The following NXN variants were observed in gnomAD, a reference collection of about 807,000 sequenced individuals.
The protein encoded by NXN is nucleoredoxin, also known as nucleoredoxin 1.
Under a neutral mutation model 48.6 loss-of-function variants are expected in NXN, and 16 were observed. The ratio of observed to expected loss-of-function variants is 0.33; its 90% CI spans 0.22 to 0.50. The LOEUF (loss-of-function observed/expected upper bound fraction) is 0.50. NXN is among the 20% of genes least tolerant of loss of function. The probability of loss-of-function intolerance (pLI) is 0.98; values close to 1 mark genes in which losing one functional copy is unlikely to be tolerated. For synonymous variants in NXN, 281 were observed against 269.6 expected, an observed-to-expected ratio of 1.04 and a Z score of -0.41; for missense variants, 492 against 605.5, an observed-to-expected ratio of 0.81 and a Z score of 1.97.
At chr17:957,141 A>AT (rs1194733358) in intron 1 of NXN, among the ~76,000 whole-genome samples, 2 of 121,212 alleles carry the variant, frequency 1.7e-5, no homozygotes, top group Non-Finnish European at 3.8e-5. Flanking sequence ...AGACAAGGCA[A>AT]CAACGTGCAA....
intron 1 of NXN, among the ~76,000 whole-genome samples, chr17:938,623 G>A (rs540507368): frequency 2.1e-4 from 32 of 152,220 alleles, no homozygotes; most frequent in African/African-American, 7.7e-4. Context: ...GGCGGAGGTC[G>A]CAGTGAGCCG....
At chr17:973,075 T>C (rs1461685428) in intron 1 of NXN, among the ~76,000 whole-genome samples, 1 of 151,344 alleles carries the variant, frequency 6.6e-6, no homozygotes, top group African/African-American at 2.4e-5. Context: ...GACCCTAACT[T>C]CCAGGGCTTG....
rs941896929 is a variant in NXN, at chr17:956,650, G to A, written c.360+22669C>T. On this transcript the variant is annotated intron_variant, in intron 1 of 7. Transcript: ENST00000336868. The surrounding 1 kb of genome is among the most constrained non-coding windows in gnomAD (Gnocchi z 4.1). The stretch of plus-strand genomic sequence containing the variant: ...GGATGGTCTCGATCTCCAGACCTCA[G>A]GTGATCCGTCCACCTCAGCCTCCCA... Among the ~76,000 whole-genome samples, 1 of 152,108 alleles carries A rather than the reference G, an allele frequency of 6.6e-6. No homozygotes were observed. Among genetic ancestry groups the A allele is most frequent in the Non-Finnish European group, 1.5e-5 (1 of 68,014 alleles).
At chr17:824,702 C>A (rs953648537) in intron 2 of NXN, among the ~76,000 whole-genome samples, 3 of 152,176 alleles carry the variant, frequency 2.0e-5, no homozygotes, top group African/African-American at 7.2e-5. Context: ...AAGAGTAAAA[C>A]CCACCCAGCC....
At chr17:934,340 G>A (rs1325430473) in intron 1 of NXN, among the ~76,000 whole-genome samples, 3 of 151,966 alleles carry the variant, frequency 2.0e-5, no homozygotes, top group Non-Finnish European at 4.4e-5. Flanking sequence ...CAGCTACTGG[G>A]GAGGCTGAGG....
intron 1 of NXN, among the ~76,000 whole-genome samples, chr17:865,472 C>T (rs1424770189): frequency 6.7e-6 from 1 of 149,830 alleles, no homozygotes; most frequent in African/African-American, 2.5e-5. Flanking sequence ...GAACTCATGA[C>T]CTCAGGTGAT....
intron 1 of NXN, among the ~76,000 whole-genome samples, chr17:882,787 T>C (rs1418129550): frequency 1.4e-5 from 2 of 142,154 alleles, no homozygotes; most frequent in African/African-American, 2.6e-5. Context: ...TTTTGAGACG[T>C]TGTCTTGCTC....
At chr17:927,782 G>A (rs2068816179) in intron 1 of NXN, among the ~76,000 whole-genome samples, 1 of 151,988 alleles carries the variant, frequency 6.6e-6, no homozygotes, top group Non-Finnish European at 1.5e-5. Context: ...AAAGGGACGG[G>A]CTTAGAGGGA....
Position 932,261 on chromosome 17 carries a change from C to G in NXN, c.360+47058G>C, listed in dbSNP as rs1160556677. 1.3e-5 allele frequency among the ~76,000 whole-genome samples: 2 copies of G among 152,222 alleles called. No homozygotes were observed. Among genetic ancestry groups the G allele is most frequent in the Non-Finnish European group, 2.9e-5 (2 of 68,044 alleles). On this transcript the variant is annotated intron_variant, in intron 1 of 7. Transcript: ENST00000336868. The surrounding 1 kb of genome is among the most constrained non-coding windows in gnomAD (Gnocchi z 4.1). Reference sequence around the variant, plus strand: ...CTACCTGCCCAGCTACCAACCCAAACCGGCCTTGTTTTGGTCCTAGGCGGC... The same window carrying G: ...CTACCTGCCCAGCTACCAACCCAAAGCGGCCTTGTTTTGGTCCTAGGCGGC...
rs142724416 is a variant in NXN at position 856,748 on chromosome 17, G to A, written c.361-30670C>T. Among the ~76,000 whole-genome samples the A allele has an allele frequency of 1.4e-4, 22 of 152,086 alleles. 1 individual carries two copies. The East Asian group carries it at 2.9e-3, about 20-fold the overall frequency. ...CAGGTGATCCTCCTCCCAAAGTGCC[G>A]GGATTACAGGAGTGAGCCGCCGGCC... is the stretch of plus-strand genomic sequence containing the variant. On this transcript the variant is annotated intron_variant, in intron 1 of 7. Coordinates refer to ENST00000336868, the MANE Select transcript of NXN (RefSeq NM_022463.5).
intron 1 of NXN, among the ~76,000 whole-genome samples, chr17:843,930 C>G (rs777049834): frequency 1.3e-5 from 2 of 152,208 alleles, no homozygotes; most frequent in African/African-American, 2.4e-5. Context: ...GAAAAAAGAA[C>G]AAGGAAGAAA....
intron 5 of NXN, among the ~76,000 whole-genome samples, chr17:809,067 A>G (rs529844805): frequency 9.5e-6 from 1 of 105,524 alleles, no homozygotes; most frequent in East Asian, 3.7e-4. Context: ...AGTGAGATCA[A>G]CAGAGTCCTC....
intron 1 of NXN, among the ~76,000 whole-genome samples, chr17:877,318 T>C (rs2068227671): frequency 6.6e-6 from 1 of 151,898 alleles, no homozygotes; most frequent in Non-Finnish European, 1.5e-5. Flanking sequence ...GGCTAATTTT[T>C]TGTATTTTTA....
intron 1 of NXN, among the ~76,000 whole-genome samples, chr17:951,830 G>A (rs548926328): frequency 1.3e-5 from 2 of 152,316 alleles, no homozygotes; most frequent in East Asian, 3.9e-4. Flanking sequence ...GGGGCAGAGA[G>A]GACGGGAGGC....
At chr17:838,126 C>CTTTTTTTTTTTTTTT (rs66721481) in intron 1 of NXN, among the ~76,000 whole-genome samples, 1 of 99,188 alleles carries the variant, frequency 1.0e-5, no homozygotes, top group African/African-American at 4.2e-5. Flanking sequence ...TCCTTTCCTT[C>CTTTTTTTTTTTTTTT]TTTTTTTTTT....
rs1205659034 is a variant in NXN, at chr17:825,193, G to T, written c.478+768C>A. 6.9e-6 allele frequency among the ~76,000 whole-genome samples: 1 copy of T among 145,922 alleles called. No homozygotes were observed. The highest frequency in any genetic ancestry group is 6.9e-5 in the Admixed American group (1 of 14,470). On this transcript the variant is annotated intron_variant, in intron 2 of 7. Transcript: ENST00000336868. The surrounding 1 kb of genome is among the most constrained non-coding windows in gnomAD (Gnocchi z 4.1). ...GGATCATGCCACAGCACTCGGCCTG[G>T]GCGACAGAGGGAGATAGTGTCTCAA...
Position 889,761 on chromosome 17 carries a change from A to AAGAAAG in NXN, c.361-63684_361-63683insCTTTCT, listed in dbSNP as rs1555619043. 1.5e-3 allele frequency among the ~76,000 whole-genome samples: 105 copies of AAGAAAG among 70,814 alleles called. 2 individuals carry two copies. The highest frequency in any genetic ancestry group is 3.7e-3 in the South Asian group (8 of 2,170). 46.5% of individuals were successfully genotyped at this position (70,814 alleles called of 152,430 possible). A position where few individuals can be genotyped will look rare whatever the true frequency, so the allele number is the denominator to read the frequency against. ...AAAGAAAGAAAGAAAGAAAGAAAGA[A>AAGAAAG]AAAGAAAGAAAGAAAAGAGAGAGAA... On this transcript the variant is annotated intron_variant, in intron 1 of 7. Transcript: ENST00000336868.
intron 1 of NXN, among the ~76,000 whole-genome samples, chr17:902,569 G>A (rs1022067546): frequency 2.0e-5 from 3 of 152,124 alleles, no homozygotes; most frequent in East Asian, 1.9e-4. Context: ...TCACTCAGTG[G>A]CAATGCCACT....
intron 5 of NXN, among the ~76,000 whole-genome samples, chr17:811,702 GGGCC>G (rs1912019902): frequency 6.6e-6 from 1 of 152,060 alleles, no homozygotes; most frequent in Non-Finnish European, 1.5e-5. Context: ...GGCCGGCCTG[GGGCC>G]CAAACTCATC....
Sources: gnomAD v4.1 joint callset for allele counts (sites outside exome capture counted in the v4.1 genomes callset) on GRCh38, gnomAD v4.1.1 for gene constraint, Gnocchi (gnomAD v3.1) non-coding constraint, MANE v1.5 for transcripts, NCBI Gene and HGNC (gene_info 2026-07-23, HGNC 2026-07-21) for gene names.